The following SGSM2 variants were observed in gnomAD, a reference collection of about 807,000 sequenced individuals.
SGSM2 encodes the protein RUN and TBC1 domain containing 1.
In SGSM2, 89 loss-of-function variants were observed where a neutral mutation model predicts 126.6. That is an observed-to-expected ratio of 0.70 (90% CI 0.59 to 0.84). The LOEUF is 0.84. Ranked by LOEUF, SGSM2 falls within the 40% of genes least tolerant of loss-of-function variation. The probability of loss-of-function intolerance (pLI) is 0.00; values close to 1 mark genes in which losing one functional copy is unlikely to be tolerated. For missense variants in SGSM2, 1,404 were observed against 1,416.6 expected (o/e 0.99, Z 0.14); for synonymous variants, 614 against 574.3 (o/e 1.07, Z -0.99).
chr17:2,351,324 G>A (rs1282824609), intron 2 of SGSM2, among the ~76,000 whole-genome samples: 1 of 152,168 alleles, frequency 6.6e-6, no homozygotes, highest in Non-Finnish European at 1.5e-5. Context: ...TGCTGCCCAG[G>A]GATTGGTCTG....
intron 12 of SGSM2, among the ~76,000 whole-genome samples, chr17:2,369,352 C>CT (rs893345435): frequency 1.1e-4 from 17 of 152,338 alleles, no homozygotes; most frequent in Admixed American, 1.1e-3. Flanking sequence ...GCTATTCACT[C>CT]TAATTCTGCT....
intron 3 of SGSM2, 51 bp downstream of exon 3, chr17:2,361,850 G>A (rs773151507): frequency 1.3e-6 from 2 of 1,541,830 alleles, no homozygotes; most frequent in East Asian, 2.3e-5. Flanking sequence ...TTCCCACTTG[G>A]CAATTGCTAC....
At chr17:2,378,060 G>A (rs1455719926) in intron 22 of SGSM2, 107 bp downstream of exon 22, 11 of 697,740 alleles carry the variant, frequency 1.6e-5, no homozygotes, top group Non-Finnish European at 2.7e-5. Context: ...ACCACCTGGG[G>A]AGCTTTAAAA....
chr17:2,363,509 G>A lies in SGSM2; in HGVS notation c.717G>A (p.Leu239=). The A allele has an allele frequency of 6.2e-7, 1 of 1,613,386 alleles. No individual in the cohort carries two copies. Among genetic ancestry groups the A allele is most frequent in the Non-Finnish European group, 8.5e-7 (1 of 1,179,986 alleles). Residue 239 remains leucine, a synonymous_variant, in exon 7 of 24, where the codon CTG becomes CTA. Coordinates refer to ENST00000268989, the MANE Select transcript of SGSM2 (RefSeq NM_014853.3). The surrounding 1 kb of genome is among the most constrained non-coding windows in gnomAD (Gnocchi z 4.2). ...HSSGSASEDR[L]AACARECVES... ...GCGGCAGCGCGTCGGAGGACAGGCT[G>A]GCTGCCTGTGCCCGCGAGTGTGTGG...
intron 2 of SGSM2, among the ~76,000 whole-genome samples, chr17:2,358,873 G>GT (rs759581510): frequency 0.027 from 2,382 of 88,108 alleles, 77 homozygotes; most frequent in African/African-American, 0.065. Flanking sequence ...TGTTGTTGTT[G>GT]TTTTTTTTTT....
At chr17:2,378,332 T>C (rs2066273098) in intron 22 of SGSM2, among the ~76,000 whole-genome samples, 2 of 151,946 alleles carry the variant, frequency 1.3e-5, no homozygotes, top group African/African-American at 4.8e-5. Flanking sequence ...TCCCAGCACT[T>C]TGGGAGGCCA....
chr17:2,349,431 G>T (rs2064752246), intron 2 of SGSM2, among the ~76,000 whole-genome samples: 1 of 152,020 alleles, frequency 6.6e-6, no homozygotes, highest in African/African-American at 2.4e-5. Context: ...CCTTCCCCAG[G>T]ATTCCATCTG....
Position 2,372,700 on chromosome 17 carries a change from C to T in SGSM2, c.1788+212C>T. On this transcript the variant is annotated intron_variant, in intron 15 of 23. Coordinates refer to ENST00000268989, the MANE Select transcript of SGSM2 (RefSeq NM_014853.3). This position sits in a 1 kb window ranked among gnomAD's most constrained non-coding sequence, Gnocchi z 6.0. ...GAAGCCGTCCTGCCTCCACATCGCC[C>T]TGTGACCCTGGACAAAGCTTTGCCT... 2.5e-6 allele frequency: 2 copies of T among 815,648 alleles called. No homozygotes were observed. The highest frequency in any genetic ancestry group is 3.8e-6 in the Non-Finnish European group (2 of 519,794). 50.5% of individuals were successfully genotyped at this position (815,648 alleles called of 1,614,324 possible).
Position 2,372,093 on chromosome 17 carries a change from C to A in SGSM2, c.1578-97C>A. On this transcript the variant is annotated intron_variant, in intron 13 of 23. Transcript: ENST00000268989. The surrounding 1 kb of genome is among the most constrained non-coding windows in gnomAD (Gnocchi z 6.0). ...CCTCCTCCTCGCACCCTCCCCAGTG[C>A]CTTACCTGCCCCCCAGGACAGAGCC... The A allele has an allele frequency of 7.0e-7, 1 of 1,427,976 alleles. No homozygotes were observed. Among genetic ancestry groups the A allele is most frequent in the East Asian group, 2.3e-5 (1 of 43,762 alleles). The allele number at this position is 1,427,976 out of a possible 1,614,324, so 88.5% of individuals were successfully genotyped here.
intron 12 of SGSM2, among the ~76,000 whole-genome samples, chr17:2,368,855 A>G (rs1034898771): frequency 6.6e-6 from 1 of 152,206 alleles, no homozygotes; most frequent in Admixed American, 6.5e-5. Flanking sequence ...CCACGGAGCT[A>G]CTTCTTCCCC....
intron 13 of SGSM2, 126 bp downstream of exon 13, chr17:2,371,541 C>A: frequency 2.5e-6 from 3 of 1,212,310 alleles, no homozygotes; most frequent in South Asian, 1.5e-5. Context: ...GATCTGGGTT[C>A]AAATTTCACT....
chr17:2,351,197 A>G (rs556825049), intron 2 of SGSM2, among the ~76,000 whole-genome samples: 85 of 152,142 alleles, frequency 5.6e-4, no homozygotes, highest in African/African-American at 1.9e-3. Flanking sequence ...AGATTGCAGT[A>G]AGCCAAGATC....
rs1459129746 is a variant in SGSM2 at position 2,373,797 on chromosome 17, G to A, written c.2100+284G>A. ...GGGATTTAGGGAAGCCCTCCTCCTT[G>A]TAGAAAGACCTCAAAGCTAGCAACA... On this transcript the variant is annotated intron_variant, in intron 17 of 23. Transcript: ENST00000268989. 5 of 417,968 alleles carry A rather than the reference G, an allele frequency of 1.2e-5. No individual in the cohort carries two copies. In the East Asian group the frequency reaches 2.0e-4, roughly 17 times the overall value. The allele number at this position is 417,968 out of a possible 1,614,324, so 25.9% of individuals were successfully genotyped here.
chr17:2,352,045 G>A (rs2064876483), intron 2 of SGSM2, among the ~76,000 whole-genome samples: 1 of 152,210 alleles, frequency 6.6e-6, no homozygotes, highest in Admixed American at 6.5e-5. Context: ...GAGAGGGGCA[G>A]GTCACACTTG....
chr17:2,377,939 T>A lies in SGSM2; in HGVS notation c.2885T>A (p.Leu962Gln). Residue 962 changes from leucine to glutamine, a missense_variant, in exon 22 of 24, where the codon CTG becomes CAG. Coordinates refer to ENST00000268989, the MANE Select transcript of SGSM2 (RefSeq NM_014853.3). ...HFYFCYRWFL[L>Q]DFKRELLYED... ...TACTTCTGTTATCGCTGGTTCCTGC[T>A]GGATTTTAAGAGAGGTAAGAAGTGG... The A allele has an allele frequency of 3.7e-6, 6 of 1,610,752 alleles. No homozygotes were observed. The highest frequency in any genetic ancestry group is 5.1e-6 in the Non-Finnish European group (6 of 1,177,032).
Position 2,337,657 on chromosome 17 carries a change from G to A in SGSM2, c.-32G>A, listed in dbSNP as rs749991789. On this transcript the variant is annotated 5_prime_UTR_variant, in exon 1 of 24. Transcript: ENST00000268989. The surrounding 1 kb of genome is among the most constrained non-coding windows in gnomAD (Gnocchi z 5.1). ...GAGGCGGCGAGGGCGCGGGGGCTCT[G>A]AGGACCGCTCGGCGCCGCCTCCTGC... 8.7e-5 allele frequency: 125 copies of A among 1,432,822 alleles called. No individual in the cohort carries two copies. Among genetic ancestry groups the A allele is most frequent in the Non-Finnish European group, 1.1e-4 (119 of 1,078,738 alleles). The allele number at this position is 1,432,822 out of a possible 1,614,324, so 88.8% of individuals were successfully genotyped here. A position where few individuals can be genotyped will look rare whatever the true frequency, so the allele number is the denominator to read the frequency against.
chr17:2,359,051 G>C (rs1009081848), intron 2 of SGSM2, among the ~76,000 whole-genome samples: 4 of 151,870 alleles, frequency 2.6e-5, no homozygotes, highest in African/African-American at 7.3e-5. Flanking sequence ...CTAATTTTTT[G>C]TATTTTTAGT....
rs572563546 is a variant in SGSM2 at position 2,375,754 on chromosome 17, G to A, written c.2363G>A (p.Ser788Asn). 189 of 1,604,878 alleles carry A rather than the reference G, an allele frequency of 1.2e-4. 3 individuals are homozygous for A. The South Asian group carries it at 1.2e-3, about 10-fold the overall frequency. The change falls in exon 18 of 24, where the codon AGT (serine) becomes AAT (asparagine). Residue 788 changes from serine (S) to asparagine (N), a missense_variant. Coordinates refer to ENST00000268989, the MANE Select transcript of SGSM2 (RefSeq NM_014853.3). ...EEDGGGEEGS[S>N]GPGPAAHTLR... is the part of the protein sequence containing the mutation. ...GACGGCGGTGGGGAGGAAGGCTCCA[G>A]TGGGCCCGGCCCTGCAGCTCACACT...
At chr17:2,364,792 G>A in intron 9 of SGSM2, 105 bp from the exon 10 acceptor site, 1 of 1,561,060 alleles carries the variant, frequency 6.4e-7, no homozygotes, top group Non-Finnish European at 8.7e-7. Context: ...CCCAGGCCAT[G>A]CTGTAGCCCA....
Sources: allele counts gnomAD v4.1 joint callset (sites outside exome capture counted in the v4.1 genomes callset), GRCh38; gene constraint gnomAD v4.1.1; non-coding constraint Gnocchi (gnomAD v3.1); transcripts MANE v1.5; gene names NCBI Gene and HGNC (gene_info 2026-07-23, HGNC 2026-07-21).